The following RNLS variants were observed in gnomAD, a reference collection of about 807,000 sequenced individuals.
The protein encoded by RNLS is renalase, FAD dependent amine oxidase.
In RNLS, 39 loss-of-function variants were observed where a neutral mutation model predicts 39.8. The observed-to-expected ratio is 0.98, with a 90% CI of 0.76 to 1.28. The LOEUF is 1.28. Among genes scored for constraint, RNLS ranks in the 50% most tolerant of loss-of-function variants. The probability of loss-of-function intolerance (pLI) is 0.00; values close to 1 mark genes in which losing one functional copy is unlikely to be tolerated. For missense variants in RNLS, 410 were observed against 413.3 expected (o/e 0.99, Z 0.07); for synonymous variants, 147 against 150.7 (o/e 0.98, Z 0.18).
At chr10:88,575,266 ATG>A (rs113818151) in intron 3 of RNLS, among the ~76,000 whole-genome samples, 28 of 142,586 alleles carry the variant, frequency 2.0e-4, no homozygotes, top group South Asian at 4.5e-4. Context: ...GTATATGTAT[ATG>A]TGTGTGTGTG....
rs140383432 is a variant in RNLS at position 88,499,141 on chromosome 10, C to T, written c.526+73762G>A. Among the ~76,000 whole-genome samples the T allele has an allele frequency of 2.0e-5, 3 of 152,278 alleles. No individual in the cohort carries two copies. The South Asian group carries it at 6.2e-4, about 32-fold the overall frequency. Reference sequence around the variant, plus strand: ...TGCCGAAGTGATTAAAAGTGTTATGCACATGGAGGAGTCCATTGTTGCTCA... The same window carrying T: ...TGCCGAAGTGATTAAAAGTGTTATGTACATGGAGGAGTCCATTGTTGCTCA... On this transcript the variant is annotated intron_variant, in intron 4 of 6. Transcript: ENST00000331772.
chr10:88,312,485 C>G (rs117496687), intron 6 of RNLS, among the ~76,000 whole-genome samples: 1 of 152,188 alleles, frequency 6.6e-6, no homozygotes, highest in Admixed American at 6.5e-5. Flanking sequence ...TTCCCACTAC[C>G]AAGTTTTTGA....
intron 4 of RNLS, among the ~76,000 whole-genome samples, chr10:88,571,516 C>T (rs977261312): frequency 6.6e-6 from 1 of 152,258 alleles, no homozygotes; most frequent in East Asian, 1.9e-4. Flanking sequence ...AGACCACATG[C>T]TCTCTAAGAC....
chr10:88,176,215 G>A, the RNLS span, among the ~76,000 whole-genome samples: 155 of 150,550 alleles, frequency 1.0e-3, no homozygotes, highest in African/African-American at 3.3e-3. Context: ...TTGCTCTGTC[G>A]CCAGGTTGGA....
the RNLS span, among the ~76,000 whole-genome samples, chr10:88,238,639 A>T: frequency 1.3e-5 from 2 of 152,234 alleles, no homozygotes; most frequent in African/African-American, 4.8e-5. Flanking sequence ...TTCCAGGCTC[A>T]TGGGAGCTGA....
At chr10:88,545,540 C>T (rs1848259498) in intron 4 of RNLS, 1 of 445,366 alleles carries the variant, frequency 2.2e-6, no homozygotes, top group South Asian at 1.6e-5. Context: ...ATCACAAGTA[C>T]AGCACGGGAA....
At chr10:88,469,813 ATGTGTGTGCG>A (rs1843407156) in intron 4 of RNLS, among the ~76,000 whole-genome samples, 1 of 128,122 alleles carries the variant, frequency 7.8e-6, no homozygotes, top group Admixed American at 8.8e-5. Context: ...CAATATTTTT[ATGTGTGTGCG>A]TGTGTGTGTG....
chr10:88,195,691 A>G, the RNLS span, among the ~76,000 whole-genome samples: 3 of 152,208 alleles, frequency 2.0e-5, no homozygotes, highest in South Asian at 6.2e-4. Flanking sequence ...TGGGAACTGA[A>G]ATAGTTAGCA....
chr10:88,348,749 C>T (rs1379033788), intron 5 of RNLS, among the ~76,000 whole-genome samples: 1 of 152,080 alleles, frequency 6.6e-6, no homozygotes, highest in African/African-American at 2.4e-5. Context: ...TGTTCCATAG[C>T]CCTCATTTTT....
chr10:88,376,933 A>ATAAAC (rs1393909141), intron 4 of RNLS, among the ~76,000 whole-genome samples: 1 of 152,186 alleles, frequency 6.6e-6, no homozygotes, highest in Admixed American at 6.6e-5. Flanking sequence ...ATACTACCAT[A>ATAAAC]TAAACTATGC....
chr10:88,481,403 T>G (rs1844162228), intron 4 of RNLS, among the ~76,000 whole-genome samples: 1 of 152,138 alleles, frequency 6.6e-6, no homozygotes, highest in Non-Finnish European at 1.5e-5. Context: ...TTTACTGCCT[T>G]TTTTGTGTTA....
chr10:88,324,637 G>A (rs1041304624), intron 5 of RNLS, among the ~76,000 whole-genome samples: 1 of 152,040 alleles, frequency 6.6e-6, no homozygotes, highest in Non-Finnish European at 1.5e-5. Flanking sequence ...TGGGTAATGG[G>A]TTTACTAGAA....
chr10:88,421,832 G>A (rs777220382), intron 4 of RNLS, among the ~76,000 whole-genome samples: 9 of 152,014 alleles, frequency 5.9e-5, no homozygotes, highest in Non-Finnish European at 1.3e-4. Flanking sequence ...TTTGCTGCTG[G>A]TCATTCTTCC....
the RNLS span, among the ~76,000 whole-genome samples, chr10:88,203,366 G>A: frequency 1.6e-3 from 2 of 1,216 alleles, 1 homozygote; most frequent in Non-Finnish European, 4.3e-3. Context: ...ACGTATGTGT[G>A]TGTATATATA....
the RNLS span, among the ~76,000 whole-genome samples, chr10:88,201,842 C>G: frequency 6.6e-6 from 1 of 152,166 alleles, no homozygotes; most frequent in African/African-American, 2.4e-5. Context: ...CTAACAGCTA[C>G]TTGTCTTACA....
chr10:88,553,629 T>G (rs1848705454), intron 4 of RNLS, among the ~76,000 whole-genome samples: 1 of 152,190 alleles, frequency 6.6e-6, no homozygotes, highest in Admixed American at 6.5e-5. Flanking sequence ...ACCCTACCAT[T>G]AAGATTTTAT....
At chr10:88,341,074 A>AAAC (rs1554862453) in intron 5 of RNLS, among the ~76,000 whole-genome samples, 5 of 149,994 alleles carry the variant, frequency 3.3e-5, no homozygotes, top group Non-Finnish European at 5.9e-5. Context: ...AAAAAAAACA[A>AAAC]AAAACAGCAA....
At chr10:88,538,797 A>G (rs1847902175) in intron 4 of RNLS, among the ~76,000 whole-genome samples, 1 of 152,096 alleles carries the variant, frequency 6.6e-6, no homozygotes, top group African/African-American at 2.4e-5. Flanking sequence ...ATGGCTGCTG[A>G]CTTGGGCTAC....
chr10:88,198,755 T>C, the RNLS span, among the ~76,000 whole-genome samples: 2 of 152,136 alleles, frequency 1.3e-5, no homozygotes, highest in Admixed American at 6.6e-5. Flanking sequence ...TTCTAAGTTT[T>C]CTGAGGCCTC....
Sources: allele counts gnomAD v4.1 joint callset (sites outside exome capture counted in the v4.1 genomes callset), GRCh38; gene constraint gnomAD v4.1.1; transcripts MANE v1.5; gene names NCBI Gene and HGNC (gene_info 2026-07-23, HGNC 2026-07-21).